The following HEATR5A variants were observed in gnomAD, a reference collection of about 807,000 sequenced individuals.
HEATR5A encodes the protein HEAT repeat-containing protein 5A.
A neutral mutation model predicts 218.8 loss-of-function variants in HEATR5A; 178 were observed. That is an observed-to-expected ratio of 0.81 (90% CI 0.72 to 0.92). The LOEUF (loss-of-function observed/expected upper bound fraction) is 0.92, where lower values mean the gene tolerates loss of function less well. Ranked by LOEUF, HEATR5A falls within the 40% of genes least tolerant of loss-of-function variation. HEATR5A has a pLI of 0.00. For synonymous variants in HEATR5A, 864 were observed against 871.6 expected (o/e 0.99, Z 0.15); for missense variants, 2,420 against 2,418.9 (o/e 1.00, Z -0.01).
chr14:31,367,908 A>G (rs1279374569), intron 13 of HEATR5A, among the ~76,000 whole-genome samples: 1 of 152,180 alleles, frequency 6.6e-6, no homozygotes, highest in Non-Finnish European at 1.5e-5. Flanking sequence ...TACATGACAG[A>G]AGTGAATGGC....
In HEATR5A at chr14:31,306,850, T is replaced by G. The variant is rs1899570112; in HGVS notation, c.4848A>C (p.Leu1616=). 3 of 1,613,130 alleles carry G rather than the reference T, an allele frequency of 1.9e-6. No individual in the cohort carries two copies. Among genetic ancestry groups the G allele is most frequent in the Middle Eastern group, 1.7e-4 (1 of 6,060 alleles). The change falls in exon 31 of 36, where the codon CTA becomes CTC. Residue 1616 remains leucine (L), a synonymous_variant. Coordinates refer to ENST00000543095, the MANE Select transcript of HEATR5A (RefSeq NM_015473.4). ...ATTCTCTGGTTAAAATTACTCGATGTAGAACATTCAGCAATTCTATACCCA... is the reference window on the plus strand; with the variant it reads ...ATTCTCTGGTTAAAATTACTCGATGGAGAACATTCAGCAATTCTATACCCA... ...QDLGIELLNV[L]HRVILTRESP...
At chr14:31,302,268 G>C in intron 33 of HEATR5A, 27 bp downstream of exon 33, 1 of 1,487,392 alleles carries the variant, frequency 6.7e-7, no homozygotes, top group Non-Finnish European at 9.2e-7. Context: ...AAGACAAACT[G>C]AACTGCTTCC....
chr14:31,385,162 G>C (rs2030164543), intron 9 of HEATR5A, among the ~76,000 whole-genome samples: 1 of 152,214 alleles, frequency 6.6e-6, no homozygotes, highest in Non-Finnish European at 1.5e-5. Flanking sequence ...GTCTCACTCT[G>C]TCACCCAGGA....
chr14:31,322,269 T>A, intron 24 of HEATR5A, among the ~76,000 whole-genome samples: 1 of 152,184 alleles, frequency 6.6e-6, no homozygotes, highest in African/African-American at 2.4e-5. Context: ...AAGAAAATCA[T>A]TTAACAGAAG....
At chr14:31,387,685 G>A (rs1044389270) in intron 7 of HEATR5A, among the ~76,000 whole-genome samples, 1 of 151,542 alleles carries the variant, frequency 6.6e-6, no homozygotes, top group Admixed American at 6.6e-5. Flanking sequence ...TCAACCTCTC[G>A]AGTAGCTGGG....
intron 24 of HEATR5A, among the ~76,000 whole-genome samples, chr14:31,323,320 C>G (rs1900167797): frequency 6.6e-6 from 1 of 151,928 alleles, no homozygotes; most frequent in African/African-American, 2.4e-5. Context: ...GCCACCATGC[C>G]TTGCTAATTA....
intron 9 of HEATR5A, among the ~76,000 whole-genome samples, chr14:31,384,668 A>C (rs1370980159): frequency 6.6e-6 from 1 of 151,726 alleles, no homozygotes; most frequent in Non-Finnish European, 1.5e-5. Flanking sequence ...CTAGGATCCC[A>C]AGTGCGTGCC....
intron 12 of HEATR5A, 94 bp downstream of exon 12, chr14:31,374,722 C>A: frequency 8.5e-7 from 1 of 1,175,068 alleles, no homozygotes; most frequent in East Asian, 2.6e-5. Context: ...TATCCCCCTG[C>A]CTCGTGTTAA....
chr14:31,308,939 A>T lies in HEATR5A; in HGVS notation c.4685T>A (p.Ile1562Asn). 4 of 1,611,408 alleles carry T rather than the reference A, an allele frequency of 2.5e-6. No individual in the cohort carries two copies. Among genetic ancestry groups the T allele is most frequent in the Non-Finnish European group, 1.7e-6 (2 of 1,178,044 alleles). ...GTAAAAGTGGTTTAACTGACCTAAA[A>T]TAAGATGGAATCTATCAGTGTAGAC... ...EDVYTDRFHLILGISVEFLCS... is the reference protein window; with the variant it reads ...EDVYTDRFHLNLGISVEFLCS... The change falls in exon 29 of 36, where the codon ATT (isoleucine) becomes AAT (asparagine). Residue 1562 changes from isoleucine to asparagine, a missense_variant. Transcript: ENST00000543095.
At chr14:31,349,246 C>A (rs1157794721) in intron 18 of HEATR5A, among the ~76,000 whole-genome samples, 1 of 151,966 alleles carries the variant, frequency 6.6e-6, no homozygotes, top group African/African-American at 2.4e-5. Flanking sequence ...AAAAAGTAGC[C>A]GGGTGGTGGC....
At chr14:31,314,845 A>G (rs1292768455) in intron 27 of HEATR5A, among the ~76,000 whole-genome samples, 1 of 152,238 alleles carries the variant, frequency 6.6e-6, no homozygotes, top group East Asian at 1.9e-4. Context: ...AATCTCTTAG[A>G]TGAAATCTGA....
chr14:31,357,293 T>C (rs1277001812), intron 16 of HEATR5A, among the ~76,000 whole-genome samples: 1 of 152,240 alleles, frequency 6.6e-6, no homozygotes, highest in Non-Finnish European at 1.5e-5. Context: ...AGAGAGGTGT[T>C]GGTGATGAAA....
At chr14:31,412,224 C>T (rs1430451929) in intron 1 of HEATR5A, among the ~76,000 whole-genome samples, 1 of 152,094 alleles carries the variant, frequency 6.6e-6, no homozygotes, top group African/African-American at 2.4e-5. Context: ...TGTCATACTT[C>T]TACTTAAAAG....
chr14:31,364,027 G>T (rs1272123241), intron 14 of HEATR5A, among the ~76,000 whole-genome samples, 162 bp downstream of exon 14: 1 of 152,070 alleles, frequency 6.6e-6, no homozygotes, highest in Non-Finnish European at 1.5e-5. Context: ...CTATAAGATG[G>T]TGAACACATG....
chr14:31,349,998 A>G lies in HEATR5A; in HGVS notation c.2518-19T>C. Reference sequence around the variant, plus strand: ...CCACGTACTGAAATATGTAAAGAACAACCCAAACTTACAATTGTAGTAAAT... The same window carrying G: ...CCACGTACTGAAATATGTAAAGAACGACCCAAACTTACAATTGTAGTAAAT... On this transcript the variant is annotated intron_variant, in intron 17 of 35. Coordinates refer to ENST00000543095, the MANE Select transcript of HEATR5A (RefSeq NM_015473.4). The G allele has an allele frequency of 6.7e-7, 1 of 1,484,728 alleles. No homozygotes were observed. The allele number at this position is 1,484,728 out of a possible 1,614,324, so 92.0% of individuals were successfully genotyped here.
intron 25 of HEATR5A, 64 bp downstream of exon 25, chr14:31,321,435 C>G: frequency 7.6e-7 from 1 of 1,320,986 alleles, no homozygotes; most frequent in South Asian, 1.5e-5. Context: ...AGCCACCATG[C>G]CTGGCCTCAT....
Position 31,344,066 on chromosome 14 carries a change from C to A in HEATR5A, c.3059-1G>T. 4 of 1,490,270 alleles carry A rather than the reference C, an allele frequency of 2.7e-6. No homozygotes were observed. The highest frequency in any genetic ancestry group is 2.7e-6 in the Non-Finnish European group (3 of 1,114,662). 92.3% of individuals were successfully genotyped at this position (1,490,270 alleles called of 1,614,324 possible). ...AAGGTAGAAATTGAAGTACTGTTAC[C>A]TAAAATAAAAAGCAGAAAGCTTTTA... On this transcript the variant is annotated splice_acceptor_variant, in intron 20 of 35. Coordinates refer to ENST00000543095, the MANE Select transcript of HEATR5A (RefSeq NM_015473.4). LOFTEE classifies it high-confidence loss of function.
At chr14:31,410,884 AT>A (rs1252895249) in intron 1 of HEATR5A, among the ~76,000 whole-genome samples, 24 of 152,336 alleles carry the variant, frequency 1.6e-4, no homozygotes, top group Admixed American at 1.4e-3. Context: ...ATTATTCTGT[AT>A]GACCTTAATA....
rs150104460 is a variant in HEATR5A at position 31,403,903 on chromosome 14, T to C, written c.-74-854A>G. ...ACAAATTTATAAGATGGAATTGTGA[T>C]TACTAGACAGAATTTTTTATTTTTA... On this transcript the variant is annotated intron_variant, in intron 1 of 35. Transcript: ENST00000543095. Among the ~76,000 whole-genome samples, 1,348 of 152,272 alleles carry C rather than the reference T, an allele frequency of 8.9e-3. 14 individuals are homozygous for C. The highest frequency in any genetic ancestry group is 0.031 in the African/African-American group (1,275 of 41,536).
Sources: allele counts gnomAD v4.1 joint callset (sites outside exome capture counted in the v4.1 genomes callset), GRCh38; gene constraint gnomAD v4.1.1; transcripts MANE v1.5; gene names NCBI Gene and HGNC (gene_info 2026-07-23, HGNC 2026-07-21).